The following GEN1 variants were observed in gnomAD, a reference collection of about 807,000 sequenced individuals.
GEN1 encodes the protein GEN1 structure-specific endonuclease, also known as flap endonuclease GEN homolog 1.
In GEN1, 64 loss-of-function variants were observed where a neutral mutation model predicts 67.6. That is an observed-to-expected ratio of 0.95 (90% CI 0.77 to 1.17). The LOEUF (loss-of-function observed/expected upper bound fraction) is 1.17, where lower values mean the gene tolerates loss of function less well. GEN1 is among the 50% of genes most tolerant of loss of function. The pLI is 0.00. For missense variants in GEN1, 1,058 were observed against 1,048.3 expected (o/e 1.01, Z -0.13); for synonymous variants, 371 against 359.4 (o/e 1.03, Z -0.37).
intron 11 of GEN1, among the ~76,000 whole-genome samples, chr2:17,776,420 A>C (rs1260353848): frequency 2.6e-5 from 4 of 152,128 alleles, no homozygotes; most frequent in Non-Finnish European, 5.9e-5. Context: ...TTTTTGTGGC[A>C]ATGTAGGAAA....
At position 17,778,187 on chromosome 2, in the gene GEN1, TAC is replaced by T. The variant is rs111762781; in HGVS notation, c.1264+134_1264+135del. The T allele has an allele frequency of 3.4e-3, 1,190 of 346,250 alleles. 47 individuals carry two copies. The highest frequency in any genetic ancestry group is 0.026 in the African/African-American group (837 of 32,032). The allele number at this position is 346,250 out of a possible 1,614,324, so 21.4% of individuals were successfully genotyped here. A position where few individuals can be genotyped will look rare whatever the true frequency, so the allele number is the denominator to read the frequency against. Reference sequence around the variant, plus strand: ...ACATAGATATGTGTATATATATATATACACACACACATATATGTGTATATATA... The same window carrying T: ...ACATAGATATGTGTATATATATATATACACACACATATATGTGTATATATA... On this transcript the variant is annotated intron_variant, in intron 12 of 13. Coordinates refer to ENST00000381254, the MANE Select transcript of GEN1 (RefSeq NM_001130009.3).
At chr2:17,775,686 G>A (rs78529911) in intron 11 of GEN1, among the ~76,000 whole-genome samples, 2,816 of 152,172 alleles carry the variant, frequency 0.019, 49 homozygotes, top group South Asian at 0.03. Context: ...TAATTACAAA[G>A]GAAAAATGGT....
In GEN1 at chr2:17,785,540, G is replaced by C. The variant is rs946677646; in HGVS notation, c.*3601G>C. The C allele has an allele frequency of 6.6e-6, 1 of 152,020 alleles. No individual in the cohort carries two copies. Among genetic ancestry groups the C allele is most frequent in the Non-Finnish European group, 1.5e-5 (1 of 68,040 alleles). The allele number at this position is 152,020 out of a possible 1,614,324, so 9.4% of individuals were successfully genotyped here. A position where few individuals can be genotyped will look rare whatever the true frequency, so the allele number is the denominator to read the frequency against. On this transcript the variant is annotated 3_prime_UTR_variant, in exon 14 of 14. Transcript: ENST00000381254. The stretch of plus-strand genomic sequence containing the variant: ...GGCCCTGCTCTGGCCTAACTGCTTT[G>C]GGCTTTGTGTAATCAATCTTAAGTC...
In GEN1 at chr2:17,780,796, C is replaced by T. The variant is rs1672788826; in HGVS notation, c.1584C>T (p.Ser528=). 3.1e-6 allele frequency: 5 copies of T among 1,613,946 alleles called. No individual in the cohort carries two copies. The highest frequency in any genetic ancestry group is 4.2e-6 in the Non-Finnish European group (5 of 1,179,910). The stretch of plus-strand genomic sequence containing the variant: ...AATCTATTTCTGCCTCATTGAATAG[C>T]TTGCTTTTACCTAAAAATACTCCAT... The part of the protein sequence containing the change: ...PQESISASLN[S]LLLPKNTPCL... The change falls in exon 14 of 14, where the codon AGC becomes AGT. Residue 528 remains serine, a synonymous_variant. Transcript: ENST00000381254.
chr2:17,755,340 T>TTATC (rs1671370249), intron 1 of GEN1: 1 of 152,200 alleles, frequency 6.6e-6, no homozygotes, highest in Non-Finnish European at 1.5e-5. Flanking sequence ...TAAGCCCTTT[T>TTATC]TATCTGCAGT....
chr2:17,778,155 C>T (rs561046591), intron 12 of GEN1, 92 bp downstream of exon 12: 6,630 of 98,168 alleles, frequency 0.068, 51 homozygotes, highest in South Asian at 0.26. Flanking sequence ...TATATATATA[C>T]ACACACACAT....
chr2:17,775,074 C>G (rs1321810322), intron 11 of GEN1, among the ~76,000 whole-genome samples: 1 of 152,126 alleles, frequency 6.6e-6, no homozygotes, highest in African/African-American at 2.4e-5. Context: ...CATGAATTCA[C>G]TTCGGATTAA....
intron 1 of GEN1, among the ~76,000 whole-genome samples, chr2:17,758,919 A>G (rs1671548819): frequency 6.6e-6 from 1 of 152,106 alleles, no homozygotes; most frequent in Non-Finnish European, 1.5e-5. Flanking sequence ...TCAGGTTCAG[A>G]AAAACAGGGT....
At chr2:17,762,059 T>C (rs1671704814) in intron 3 of GEN1, among the ~76,000 whole-genome samples, 1 of 152,028 alleles carries the variant, frequency 6.6e-6, no homozygotes, top group South Asian at 2.1e-4. Flanking sequence ...TTTTAAAAAC[T>C]GTCGTTACAT....
chr2:17,754,816 A>G (rs766509115), intron 1 of GEN1: 2 of 152,238 alleles, frequency 1.3e-5, no homozygotes, highest in South Asian at 2.1e-4. Flanking sequence ...ACGGTAACCT[A>G]GAGTGTAAAC....
At chr2:17,768,402 A>G (rs1346096946) in intron 5 of GEN1, among the ~76,000 whole-genome samples, 2 of 152,214 alleles carry the variant, frequency 1.3e-5, no homozygotes, top group East Asian at 1.9e-4. Flanking sequence ...AAATTAAAAT[A>G]TTATCCAAAT....
Position 17,788,119 on chromosome 2 carries a change from A to G in GEN1, c.*6180A>G, listed in dbSNP as rs1197318773. On this transcript the variant is annotated 3_prime_UTR_variant, in exon 14 of 14. Coordinates refer to ENST00000381254, the MANE Select transcript of GEN1 (RefSeq NM_001130009.3). ...TTGCTTTCTGAAGGTGAAGAGTCTA[A>G]ATCAACTGCTGTTCCTGTTCTGCTG... 6.6e-6 allele frequency: 1 copy of G among 152,232 alleles called. No individual in the cohort carries two copies. Among genetic ancestry groups the G allele is most frequent in the East Asian group, 1.9e-4 (1 of 5,202 alleles). The allele number at this position is 152,232 out of a possible 1,614,324, so 9.4% of individuals were successfully genotyped here.
chr2:17,765,961 A>G (rs1206812493), intron 4 of GEN1, among the ~76,000 whole-genome samples: 2 of 151,614 alleles, frequency 1.3e-5, no homozygotes, highest in Admixed American at 6.6e-5. Flanking sequence ...ATATATATAT[A>G]TATATGTTAC....
At position 17,786,651 on chromosome 2, in the gene GEN1, T is replaced by C. The variant is rs893246959; in HGVS notation, c.*4712T>C. ...ATGAGTGAAAACAATTCTCTGTATTTATGTTTCCATACATCATTCAGTTCT... is the reference window on the plus strand; with the variant it reads ...ATGAGTGAAAACAATTCTCTGTATTCATGTTTCCATACATCATTCAGTTCT... On this transcript the variant is annotated 3_prime_UTR_variant, in exon 14 of 14. Transcript: ENST00000381254. 6.6e-6 allele frequency: 1 copy of C among 152,228 alleles called. No individual in the cohort carries two copies. Among genetic ancestry groups the C allele is most frequent in the Non-Finnish European group, 1.5e-5 (1 of 68,034 alleles). 9.4% of individuals were successfully genotyped at this position (152,228 alleles called of 1,614,324 possible).
At chr2:17,756,668 C>T (rs1327373735) in intron 1 of GEN1, among the ~76,000 whole-genome samples, 1 of 152,094 alleles carries the variant, frequency 6.6e-6, no homozygotes, top group East Asian at 1.9e-4. Flanking sequence ...TCAGGTGATC[C>T]GCCTGCCTCG....
rs1325429498 is a variant in GEN1, at chr2:17,784,298, CA to C, written c.*2364del. 2.0e-5 allele frequency: 3 copies of C among 152,056 alleles called. No homozygotes were observed. Among genetic ancestry groups the C allele is most frequent in the Non-Finnish European group, 4.4e-5 (3 of 67,990 alleles). 9.4% of individuals were successfully genotyped at this position (152,056 alleles called of 1,614,324 possible). ...CCACAAGACACCCAATGTCTACAAT[CA>C]AAAAGATAATAACTAGTATTGATGA... On this transcript the variant is annotated 3_prime_UTR_variant, in exon 14 of 14. Transcript: ENST00000381254.
intron 2 of GEN1, 27 bp from the exon 3 acceptor site, chr2:17,761,369 A>T: frequency 1.6e-6 from 2 of 1,249,178 alleles, no homozygotes; most frequent in South Asian, 1.3e-5. Context: ...TTTGATGATT[A>T]ATGTATTACT....
rs563563797 is a variant in GEN1 at position 17,780,946 on chromosome 2, C to T, written c.1734C>T (p.Ser578=). 1.5e-5 allele frequency: 24 copies of T among 1,612,720 alleles called. No individual in the cohort carries two copies. Among genetic ancestry groups the T allele is most frequent in the African/African-American group, 4.0e-5 (3 of 74,640 alleles). Residue 578 remains serine (S), a synonymous_variant, in exon 14 of 14, where the codon TCC becomes TCT. Transcript: ENST00000381254. ...SQPNTSSHNI[S]VIADLHLSTI... ...CCAATACCTCATCTCATAATATATC[C>T]GTGATTGCTGATCTACACTTGAGCA...
In GEN1 at chr2:17,768,774, C is replaced by G; in HGVS notation, c.673C>G (p.Leu225Val). The G allele has an allele frequency of 6.2e-7, 1 of 1,611,372 alleles. No individual in the cohort carries two copies. Among genetic ancestry groups the G allele is most frequent in the South Asian group, 1.1e-5 (1 of 90,766 alleles). ...AGTTGGAAAAGAGCAAGCATTAAAA[C>G]TTATACAGATTTTGAAAGGGCAAAG... ...PGVGKEQALK[L>V]IQILKGQSLL... Residue 225 changes from leucine to valine, a missense_variant, in exon 6 of 14, where the codon CTT (leucine) becomes GTT (valine). Coordinates refer to ENST00000381254, the MANE Select transcript of GEN1 (RefSeq NM_001130009.3).
Sources: gnomAD v4.1 joint callset for allele counts (sites outside exome capture counted in the v4.1 genomes callset) on GRCh38, gnomAD v4.1.1 for gene constraint, MANE v1.5 for transcripts, NCBI Gene and HGNC (gene_info 2026-07-23, HGNC 2026-07-21) for gene names.